The following FHIT variants were observed in gnomAD, a reference collection of about 807,000 sequenced individuals.
FHIT encodes fragile histidine triad diadenosine triphosphatase.
FHIT carries 19 observed loss-of-function variants against 17.9 expected under a neutral mutation model. That is an observed-to-expected ratio of 1.06 (90% CI 0.74 to 1.56). The LOEUF is 1.56. Ranked by LOEUF, FHIT falls within the 40% of genes most tolerant of loss-of-function variation. FHIT has a pLI of 0.00. For synonymous variants in FHIT, 81 were observed against 69.7 expected (o/e 1.16, Z -0.81); for missense variants, 248 against 189.2 (o/e 1.31, Z -1.82).
At chr3:61,130,620 A>G (rs1457713632) in intron 2 of FHIT, among the ~76,000 whole-genome samples, 1 of 152,254 alleles carries the variant, frequency 6.6e-6, no homozygotes, top group Non-Finnish European at 1.5e-5. Context: ...GCTCTAGGTT[A>G]GGAAGAAGGA....
chr3:61,181,244 CATT>C (rs1451108822), intron 2 of FHIT, among the ~76,000 whole-genome samples: 1 of 152,098 alleles, frequency 6.6e-6, no homozygotes, highest in Admixed American at 6.6e-5. Flanking sequence ...ATAATAGTAA[CATT>C]ATATTTTTCC....
intron 5 of FHIT, among the ~76,000 whole-genome samples, chr3:60,266,605 G>A (rs1361687359): frequency 1.3e-5 from 2 of 152,012 alleles, no homozygotes; most frequent in Non-Finnish European, 2.9e-5. Context: ...AAGGATTAAG[G>A]AGGAGTTAGA....
chr3:60,488,042 T>C (rs1275758334), intron 5 of FHIT, among the ~76,000 whole-genome samples: 1 of 152,172 alleles, frequency 6.6e-6, no homozygotes, highest in Non-Finnish European at 1.5e-5. Context: ...ATGCAGATGT[T>C]CTATGAAGGA....
In FHIT at chr3:60,515,165, T is replaced by C. The variant is rs140565221; in HGVS notation, c.103+21695A>G. Among the ~76,000 whole-genome samples, 588 of 152,160 alleles carry C rather than the reference T, an allele frequency of 3.9e-3. 3 individuals carry two copies. The highest frequency in any genetic ancestry group is 0.014 in the African/African-American group (566 of 41,520). Reference sequence around the variant, plus strand: ...GAGCTGCTAGATAAACAAGCCATTATAAGAGGGTAATATTCCATCCTAGTG... The same window carrying C: ...GAGCTGCTAGATAAACAAGCCATTACAAGAGGGTAATATTCCATCCTAGTG... On this transcript the variant is annotated intron_variant, in intron 5 of 9. Coordinates refer to ENST00000492590, the MANE Select transcript of FHIT (RefSeq NM_002012.4).
chr3:60,353,233 T>C (rs1414147900), intron 5 of FHIT, among the ~76,000 whole-genome samples: 1 of 152,172 alleles, frequency 6.6e-6, no homozygotes, highest in Non-Finnish European at 1.5e-5. Flanking sequence ...ACTGCTTCTC[T>C]AACTACCTCT....
intron 2 of FHIT, among the ~76,000 whole-genome samples, chr3:61,135,182 T>C (rs80015652): frequency 0.018 from 2,680 of 152,276 alleles, 83 homozygotes; most frequent in African/African-American, 0.061. Flanking sequence ...CCCAGGCTAG[T>C]TAAGGAGAAA....
In FHIT at chr3:60,218,362, A is replaced by C. The variant is rs546682447; in HGVS notation, c.104-204210T>G. Among the ~76,000 whole-genome samples, 3 of 152,312 alleles carry C rather than the reference A, an allele frequency of 2.0e-5. No individual in the cohort carries two copies. In the South Asian group the frequency reaches 6.2e-4, roughly 32 times the overall value. ...TAGAAAGAAAATGCTTAATTCTTAT[A>C]TACTGCTAAGAGAATTATAACAGGA... On this transcript the variant is annotated intron_variant, in intron 5 of 9. Coordinates refer to ENST00000492590, the MANE Select transcript of FHIT (RefSeq NM_002012.4).
At position 60,123,356 on chromosome 3, in the gene FHIT, T is replaced by C. The variant is rs201930864; in HGVS notation, c.104-109204A>G. Among the ~76,000 whole-genome samples the C allele has an allele frequency of 3.2e-4, 48 of 152,308 alleles. No individual in the cohort carries two copies. The East Asian group carries it at 8.5e-3, about 27-fold the overall frequency. ...TTGATTTAACATATGGTTGGCTCAT[T>C]TGCTGAAAACTATCCTTAAAGACAT... is the stretch of plus-strand genomic sequence containing the variant. On this transcript the variant is annotated intron_variant, in intron 5 of 9. Transcript: ENST00000492590.
chr3:61,230,418 A>G (rs988010177), intron 1 of FHIT, among the ~76,000 whole-genome samples: 4 of 152,168 alleles, frequency 2.6e-5, no homozygotes, highest in African/African-American at 9.7e-5. Flanking sequence ...GTCTTCTGCC[A>G]TGAGTAAAAG....
chr3:60,024,232 C>T (rs550820819), intron 5 of FHIT, among the ~76,000 whole-genome samples: 2 of 152,264 alleles, frequency 1.3e-5, no homozygotes, highest in Non-Finnish European at 2.9e-5. Flanking sequence ...TTAATAGAAA[C>T]ATCCTTTATT....
At chr3:61,134,045 C>T (rs1181231869) in intron 2 of FHIT, among the ~76,000 whole-genome samples, 10 of 150,260 alleles carry the variant, frequency 6.7e-5, no homozygotes, top group South Asian at 4.3e-4. Flanking sequence ...GCTGAGATCG[C>T]GCCACTGCAC....
At chr3:61,028,901 GA>G (rs11344435) in intron 3 of FHIT, among the ~76,000 whole-genome samples, 3,058 of 138,196 alleles carry the variant, frequency 0.022, 87 homozygotes, top group Admixed American at 0.083. Context: ...AAAAAAAAAA[GA>G]AAAAAAAAAA....
intron 5 of FHIT, among the ~76,000 whole-genome samples, chr3:60,423,040 A>C (rs2107269343): frequency 6.6e-6 from 1 of 152,316 alleles, no homozygotes; most frequent in South Asian, 2.1e-4. Flanking sequence ...AGAATGGGAC[A>C]GAATATGGTT....
At chr3:60,945,772 T>C (rs78892192) in intron 3 of FHIT, among the ~76,000 whole-genome samples, 1 of 152,228 alleles carries the variant, frequency 6.6e-6, no homozygotes, top group African/African-American at 2.4e-5. Context: ...TTCTGATTGT[T>C]TCTCTTTCTC....
Position 60,509,729 on chromosome 3 carries a change from C to T in FHIT, c.103+27131G>A, listed in dbSNP as rs936236221. On this transcript the variant is annotated intron_variant, in intron 5 of 9. Coordinates refer to ENST00000492590, the MANE Select transcript of FHIT (RefSeq NM_002012.4). ...CATGACATTTCTGTGGCTACACTTG[C>T]AATCCAGACTAGTCTTTCATCCTCT... 2.0e-5 allele frequency among the ~76,000 whole-genome samples: 3 copies of T among 152,348 alleles called. No homozygotes were observed. In the East Asian group the frequency reaches 5.8e-4, roughly 29 times the overall value.
intron 5 of FHIT, among the ~76,000 whole-genome samples, chr3:60,308,526 A>G (rs1708791545): frequency 8.2e-6 from 1 of 121,712 alleles, no homozygotes; most frequent in South Asian, 2.7e-4. Context: ...ATATATATAT[A>G]TATGCCTCTC....
intron 7 of FHIT, among the ~76,000 whole-genome samples, chr3:59,953,368 T>C (rs1335880192): frequency 6.6e-6 from 1 of 152,048 alleles, no homozygotes; most frequent in Non-Finnish European, 1.5e-5. Context: ...CTCCAGTGAG[T>C]GTCTCCCTAT....
chr3:60,647,328 G>T (rs2039884342), intron 4 of FHIT, among the ~76,000 whole-genome samples: 1 of 152,204 alleles, frequency 6.6e-6, no homozygotes, highest in African/African-American at 2.4e-5. Flanking sequence ...TGGGGTGAGA[G>T]ATTAGACTTT....
chr3:60,115,901 G>A (rs1293080552), intron 5 of FHIT, among the ~76,000 whole-genome samples: 1 of 151,994 alleles, frequency 6.6e-6, no homozygotes, highest in Non-Finnish European at 1.5e-5. Flanking sequence ...CATTTAGATA[G>A]GAATTTTTTA....
Sources: gnomAD v4.1 joint callset for allele counts (sites outside exome capture counted in the v4.1 genomes callset) on GRCh38, gnomAD v4.1.1 for gene constraint, MANE v1.5 for transcripts, NCBI Gene and HGNC (gene_info 2026-07-23, HGNC 2026-07-21) for gene names.